MAN2A1: variants seen among roughly 807,000 people sequenced by gnomAD.
The protein encoded by MAN2A1 is mannosidase alpha class 2A member 1.
Under a neutral mutation model 142.6 loss-of-function variants are expected in MAN2A1, and 76 were observed. That is an observed-to-expected ratio of 0.53 (90% CI 0.44 to 0.65). MAN2A1 has a LOEUF of 0.65. Ranked by LOEUF, MAN2A1 falls within the 30% of genes least tolerant of loss-of-function variation. The pLI, the probability that MAN2A1 is intolerant of heterozygous loss-of-function variation, is 0.00. For missense variants in MAN2A1, 1,311 were observed against 1,365.1 expected, an observed-to-expected ratio of 0.96 and a Z score of 0.62; for synonymous variants, 559 against 473.2, an observed-to-expected ratio of 1.18 and a Z score of -2.35.
At chr5:109,731,468 G>A (rs1185929920) in intron 4 of MAN2A1, among the ~76,000 whole-genome samples, 6 of 148,842 alleles carry the variant, frequency 4.0e-5, no homozygotes, top group South Asian at 2.1e-4. Flanking sequence ...CCATTAACTC[G>A]TCATTTAGCA....
intron 19 of MAN2A1, among the ~76,000 whole-genome samples, chr5:109,852,127 A>G (rs1755496423): frequency 7.2e-6 from 1 of 138,980 alleles, no homozygotes; most frequent in African/African-American, 2.7e-5. Flanking sequence ...TTTTTTATTA[A>G]AGAGTTGGCT....
chr5:109,722,390 A>G (rs899323701), intron 3 of MAN2A1, among the ~76,000 whole-genome samples: 1 of 152,084 alleles, frequency 6.6e-6, no homozygotes, highest in East Asian at 1.9e-4. Context: ...AGTGATTTAC[A>G]AGCAATATTT....
At chr5:109,840,309 A>C in intron 16 of MAN2A1, 1 of 318,848 alleles carries the variant, frequency 3.1e-6, no homozygotes, top group Admixed American at 3.6e-5. Flanking sequence ...ACTAATTGAC[A>C]TTTTATATCA....
chr5:109,744,729 A>G (rs1414588786), intron 4 of MAN2A1, among the ~76,000 whole-genome samples: 1 of 152,166 alleles, frequency 6.6e-6, no homozygotes, highest in East Asian at 1.9e-4. Context: ...CTTAAAATAT[A>G]TACCATGTGA....
chr5:109,730,410 T>C (rs1162850580), intron 4 of MAN2A1, among the ~76,000 whole-genome samples: 1 of 152,114 alleles, frequency 6.6e-6, no homozygotes, highest in African/African-American at 2.4e-5. Flanking sequence ...TTTTAACATA[T>C]TTATCTACTC....
chr5:109,847,955 T>A (rs2112765071), intron 19 of MAN2A1, among the ~76,000 whole-genome samples, 165 bp downstream of exon 19: 1 of 152,314 alleles, frequency 6.6e-6, no homozygotes, highest in East Asian at 1.9e-4. Context: ...CAGTTATAAA[T>A]ATCGTGTAAG....
intron 5 of MAN2A1, among the ~76,000 whole-genome samples, chr5:109,765,222 C>G (rs1392502541): frequency 1.3e-5 from 2 of 152,054 alleles, no homozygotes; most frequent in Non-Finnish European, 2.9e-5. Flanking sequence ...GTTGTCATGT[C>G]TCTTTAGTTT....
intron 12 of MAN2A1, among the ~76,000 whole-genome samples, chr5:109,802,083 G>C (rs1754046541): frequency 6.6e-6 from 1 of 152,248 alleles, no homozygotes; most frequent in East Asian, 1.9e-4. Context: ...GTACTGGTAT[G>C]TGTTCATATT....
At chr5:109,818,400 A>T (rs1580283860) in intron 13 of MAN2A1, among the ~76,000 whole-genome samples, 1 of 152,234 alleles carries the variant, frequency 6.6e-6, no homozygotes, top group East Asian at 1.9e-4. Context: ...ACTCTTAAAT[A>T]TGCATCATCT....
At position 109,865,145 on chromosome 5, in the gene MAN2A1, A is replaced by G. The variant is rs1451875148; in HGVS notation, c.3281A>G (p.Lys1094Arg). 6.2e-7 allele frequency: 1 copy of G among 1,609,600 alleles called. No individual in the cohort carries two copies. ...TGLFCSTTQG[K>R]ILVQKLLNKF... ...CTGTTTTGTTCTACTACTCAGGGAAAGGTAAGTTGAAAAGGTTATTTTTGC... is the reference window on the plus strand; with the variant it reads ...CTGTTTTGTTCTACTACTCAGGGAAGGGTAAGTTGAAAAGGTTATTTTTGC... The change falls in exon 21 of 22, where the codon AAG becomes AGG. Residue 1094 changes from lysine (K) to arginine (R), a missense_variant and splice_region_variant. Around this residue, in one of 3 missense-constraint regions of MAN2A1, gnomAD observed 890 missense variants for 920.5 expected, o/e 0.97. Transcript: ENST00000261483.
rs151104234 is a variant in MAN2A1 at position 109,761,647 on chromosome 5, A to G, written c.836-5888A>G. On this transcript the variant is annotated intron_variant, in intron 5 of 21. Transcript: ENST00000261483. Reference sequence around the variant, plus strand: ...GATTAGTTTTCTTTTTTAATGTACTACATTTGTATTTTTTTTATTGGTTTG... The same window carrying G: ...GATTAGTTTTCTTTTTTAATGTACTGCATTTGTATTTTTTTTATTGGTTTG... Among the ~76,000 whole-genome samples the G allele has an allele frequency of 1.9e-3, 290 of 152,082 alleles. 2 individuals are homozygous for G. Among genetic ancestry groups the G allele is most frequent in the African/African-American group, 6.7e-3 (278 of 41,522 alleles).
At chr5:109,831,714 T>G (rs1754910928) in intron 16 of MAN2A1, among the ~76,000 whole-genome samples, 1 of 152,190 alleles carries the variant, frequency 6.6e-6, no homozygotes, top group Non-Finnish European at 1.5e-5. Flanking sequence ...TACATTCTAT[T>G]TCTCCACAGA....
intron 6 of MAN2A1, among the ~76,000 whole-genome samples, chr5:109,769,853 A>G (rs1753093332): frequency 6.6e-6 from 1 of 152,108 alleles, no homozygotes; most frequent in Non-Finnish European, 1.5e-5. Flanking sequence ...TTTCTCCAAG[A>G]GTGAATTTCT....
At chr5:109,759,006 AT>A (rs1752766788) in intron 5 of MAN2A1, among the ~76,000 whole-genome samples, 1 of 152,106 alleles carries the variant, frequency 6.6e-6, no homozygotes, top group South Asian at 2.1e-4. Context: ...TAAGCTTGAC[AT>A]TGGGAAGTCT....
intron 5 of MAN2A1, among the ~76,000 whole-genome samples, chr5:109,765,960 T>C (rs114117180): frequency 6.6e-6 from 1 of 152,116 alleles, no homozygotes; most frequent in East Asian, 1.9e-4. Flanking sequence ...TTCAGGTTTT[T>C]TTTTCTTTGT....
At chr5:109,852,146 A>AAC (rs1488903619) in intron 19 of MAN2A1, among the ~76,000 whole-genome samples, 2 of 97,530 alleles carry the variant, frequency 2.1e-5, no homozygotes, top group African/African-American at 6.0e-5. Flanking sequence ...CTTAAAAACA[A>AAC]AAAAAAAAAA....
intron 4 of MAN2A1, among the ~76,000 whole-genome samples, chr5:109,740,310 T>A (rs1346404686): frequency 2.6e-5 from 4 of 152,174 alleles, no homozygotes; most frequent in African/African-American, 9.7e-5. Context: ...TATGAGAAGA[T>A]CTGGAAAAGG....
chr5:109,702,315 TTGTGTGTGTGTGTG>T (rs34048618), intron 1 of MAN2A1, among the ~76,000 whole-genome samples: 5 of 144,034 alleles, frequency 3.5e-5, no homozygotes, highest in East Asian at 2.1e-4. Flanking sequence ...AGAACATAAA[TTGTGTGTGTGTGTG>T]TGTGTGTGTG....
chr5:109,769,567 G>T (rs1182448699), intron 6 of MAN2A1, among the ~76,000 whole-genome samples: 1 of 152,176 alleles, frequency 6.6e-6, no homozygotes, highest in East Asian at 1.9e-4. Flanking sequence ...AGGTCCTCCA[G>T]TCTCACTTGT....
Sources: allele counts gnomAD v4.1 joint callset (sites outside exome capture counted in the v4.1 genomes callset), GRCh38; gene constraint gnomAD v4.1.1; regional missense constraint gnomAD v4.1.1; transcripts MANE v1.5; gene names NCBI Gene and HGNC (gene_info 2026-07-23, HGNC 2026-07-21).